Variants in PHF3 observed in about 807,000 individuals in gnomAD.
PHF3 encodes the protein PHD finger protein 3.
Under a neutral mutation model 178.4 loss-of-function variants are expected in PHF3, and 41 were observed. That is an observed-to-expected ratio of 0.23 (90% CI 0.18 to 0.30). The LOEUF (loss-of-function observed/expected upper bound fraction) is 0.30. Ranked by LOEUF, PHF3 falls within the 10% of genes least tolerant of loss-of-function variation. The pLI, the probability that PHF3 is intolerant of heterozygous loss-of-function variation, is 1.00. For synonymous variants in PHF3, 842 were observed against 800.5 expected (o/e 1.05, Z -0.88); for missense variants, 2,346 against 2,398.1 (o/e 0.98, Z 0.45).
chr6:63,641,045 A>G (rs1418900769), intron 1 of PHF3, among the ~76,000 whole-genome samples: 2 of 152,250 alleles, frequency 1.3e-5, no homozygotes, highest in East Asian at 3.8e-4. Context: ...GTTTGAGCAC[A>G]AGAAGTTTTG....
intron 2 of PHF3, among the ~76,000 whole-genome samples, chr6:63,651,200 C>T (rs1765006022): frequency 6.6e-6 from 1 of 152,028 alleles, no homozygotes; most frequent in Admixed American, 6.6e-5. Context: ...GGTTAATTTG[C>T]ATATTTATCA....
At chr6:63,681,109 T>C (rs1270878679) in intron 3 of PHF3, among the ~76,000 whole-genome samples, 2 of 152,076 alleles carry the variant, frequency 1.3e-5, no homozygotes, top group African/African-American at 4.8e-5. Context: ...AGGTTGGAAA[T>C]CATTTTCCTT....
intron 3 of PHF3, among the ~76,000 whole-genome samples, chr6:63,680,566 A>G (rs1416020862): frequency 6.7e-6 from 1 of 148,714 alleles, no homozygotes. Flanking sequence ...TTGTTAGATC[A>G]ATGGTAATTA....
At chr6:63,673,440 A>T (rs985956088) in intron 2 of PHF3, among the ~76,000 whole-genome samples, 1 of 152,118 alleles carries the variant, frequency 6.6e-6, no homozygotes, top group Non-Finnish European at 1.5e-5. Flanking sequence ...ATTAAAAAAA[A>T]AAATCACCGT....
At chr6:63,701,564 A>G (rs931007940) in intron 9 of PHF3, among the ~76,000 whole-genome samples, 4 of 152,184 alleles carry the variant, frequency 2.6e-5, no homozygotes, top group African/African-American at 9.7e-5. Flanking sequence ...TTAACTCTAC[A>G]TGATTTATCT....
intron 2 of PHF3, among the ~76,000 whole-genome samples, chr6:63,651,131 G>A (rs544153180): frequency 6.6e-5 from 10 of 152,088 alleles, no homozygotes; most frequent in East Asian, 1.9e-4. Flanking sequence ...ATAATTGTAC[G>A]TATTTGTGGG....
intron 6 of PHF3, among the ~76,000 whole-genome samples, chr6:63,697,033 A>G (rs1355537842): frequency 6.6e-6 from 1 of 152,176 alleles, no homozygotes; most frequent in African/African-American, 2.4e-5. Context: ...TGTTTGTAAG[A>G]CTAATGGGAA....
intron 2 of PHF3, among the ~76,000 whole-genome samples, chr6:63,677,014 A>C (rs1338955268): frequency 6.6e-6 from 1 of 152,212 alleles, no homozygotes; most frequent in South Asian, 2.1e-4. Context: ...GAATTGAACT[A>C]GGTGATTTGG....
At position 63,684,725 on chromosome 6, in the gene PHF3, A is replaced by G; in HGVS notation, c.1003A>G (p.Ile335Val). Residue 335 changes from isoleucine (I) to valine (V), a missense_variant, in exon 4 of 16, where the codon ATT (isoleucine) becomes GTT (valine). Physicochemically the swap from Ile to Val is conservative, Grantham distance 29. Coordinates refer to ENST00000262043, the MANE Select transcript of PHF3 (RefSeq NM_001370348.2). ...TVKLSHEDDH[I>V]LEDAGSSDIS... ...AAAATTATCCCATGAAGATGACCAT[A>G]TTCTTGAGGACGCTGGATCTTCTGA... 2.5e-6 allele frequency: 4 copies of G among 1,613,688 alleles called. No individual in the cohort carries two copies. Among genetic ancestry groups the G allele is most frequent in the South Asian group, 1.1e-5 (1 of 91,066 alleles).
At chr6:63,704,462 T>C (rs1464260094) in intron 11 of PHF3, among the ~76,000 whole-genome samples, 28 of 151,144 alleles carry the variant, frequency 1.9e-4, no homozygotes, top group Non-Finnish European at 2.9e-5. Context: ...CTCTGTAGTT[T>C]TGCTTTTTTC....
intron 1 of PHF3, among the ~76,000 whole-genome samples, chr6:63,638,838 A>G (rs1764457442): frequency 6.6e-6 from 1 of 152,094 alleles, no homozygotes; most frequent in Admixed American, 6.5e-5. Flanking sequence ...CATTTATGAT[A>G]CTGTTGCATT....
chr6:63,702,675 CAT>C lies in PHF3; in HGVS notation c.3231+37_3231+38del, dbSNP rs769465653. ...ATATGCCATGTTTTATAGCTCAAAACATGAAGATTCAGAAAAGGTTTATTTGC... is the reference window on the plus strand; with the variant it reads ...ATATGCCATGTTTTATAGCTCAAAACGAAGATTCAGAAAAGGTTTATTTGC... On this transcript the variant is annotated intron_variant, in intron 10 of 15. Coordinates refer to ENST00000262043, the MANE Select transcript of PHF3 (RefSeq NM_001370348.2). The C allele has an allele frequency of 5.8e-6, 9 of 1,553,412 alleles. No individual in the cohort carries two copies. The Admixed American group carries it at 1.3e-4, about 23-fold the overall frequency.
At chr6:63,641,824 C>T (rs1324586892) in intron 1 of PHF3, among the ~76,000 whole-genome samples, 6 of 151,864 alleles carry the variant, frequency 4.0e-5, no homozygotes, top group South Asian at 2.1e-4. Flanking sequence ...GACGGGGTTT[C>T]GTCATATTGG....
intron 2 of PHF3, among the ~76,000 whole-genome samples, chr6:63,674,938 C>G (rs1766101996): frequency 6.6e-6 from 1 of 152,126 alleles, no homozygotes; most frequent in African/African-American, 2.4e-5. Flanking sequence ...GTGATTTAAA[C>G]AAATCTCTAT....
Position 63,662,267 on chromosome 6 carries a change from T to C in PHF3, c.244+15472T>C, listed in dbSNP as rs1765501175. The stretch of plus-strand genomic sequence containing the variant: ...GGCCAAAATTTTCCTCAAAAAGTTA[T>C]TTTGGGGTCCTCTTTAATGCCTTAA... On this transcript the variant is annotated intron_variant, in intron 2 of 15. Coordinates refer to ENST00000262043, the MANE Select transcript of PHF3 (RefSeq NM_001370348.2). Among the ~76,000 whole-genome samples, 4 of 152,182 alleles carry C rather than the reference T, an allele frequency of 2.6e-5. No individual in the cohort carries two copies. In the South Asian group the frequency reaches 6.2e-4, roughly 24 times the overall value.
rs75510626 is a variant in PHF3 at position 63,691,241 on chromosome 6, T to C, written c.2190-496T>C. The stretch of plus-strand genomic sequence containing the variant: ...TTTTGAGTTCCATTTTTGTTACTAT[T>C]GTTGGTTTTTTCTTTTATTTAAAAC... On this transcript the variant is annotated intron_variant, in intron 4 of 15. Transcript: ENST00000262043. Among the ~76,000 whole-genome samples, 1,381 of 152,236 alleles carry C rather than the reference T, an allele frequency of 9.1e-3. 14 individuals carry two copies. Among genetic ancestry groups the C allele is most frequent in the Non-Finnish European group, 0.014 (933 of 67,966 alleles).
In PHF3 at chr6:63,714,825, G is replaced by A. The variant is rs757633548; in HGVS notation, c.*1117G>A. ...TTTTGAATCCTTTTATAAAATGTGC[G>A]ATTTAGCCTAATTCGTAAAGTAACT... is the stretch of plus-strand genomic sequence containing the variant. On this transcript the variant is annotated 3_prime_UTR_variant, in exon 16 of 16. Transcript: ENST00000262043. 6.6e-6 allele frequency: 1 copy of A among 151,710 alleles called. No homozygotes were observed. Among genetic ancestry groups the A allele is most frequent in the African/African-American group, 2.4e-5 (1 of 41,282 alleles). 9.4% of individuals were successfully genotyped at this position (151,710 alleles called of 1,614,324 possible).
chr6:63,641,732 G>A (rs1764586543), intron 1 of PHF3, among the ~76,000 whole-genome samples: 1 of 151,806 alleles, frequency 6.6e-6, no homozygotes, highest in Non-Finnish European at 1.5e-5. Flanking sequence ...CTGCTTCCCA[G>A]GTTCAAGCTA....
At chr6:63,665,135 A>C (rs1205573791) in intron 2 of PHF3, among the ~76,000 whole-genome samples, 1 of 152,158 alleles carries the variant, frequency 6.6e-6, no homozygotes, top group Non-Finnish European at 1.5e-5. Flanking sequence ...CGTAACAATG[A>C]AAACATACCT....
Sources: gnomAD v4.1 joint callset for allele counts (sites outside exome capture counted in the v4.1 genomes callset) on GRCh38, gnomAD v4.1.1 for gene constraint, MANE v1.5 for transcripts, NCBI Gene and HGNC (gene_info 2026-07-23, HGNC 2026-07-21) for gene names.